Variants in PRKDC observed in about 807,000 individuals in gnomAD.
PRKDC encodes the protein protein kinase, DNA-activated, catalytic subunit, also known as DNA-dependent protein kinase catalytic subunit.
A neutral mutation model predicts 486.9 loss-of-function variants in PRKDC; 82 were observed. That is an observed-to-expected ratio of 0.17 (90% CI 0.14 to 0.20). The LOEUF is 0.20. Ranked by LOEUF, PRKDC falls within the 10% of genes least tolerant of loss-of-function variation. The pLI, the probability that PRKDC is intolerant of heterozygous loss-of-function variation, is 1.00. For missense variants in PRKDC, 4,504 were observed against 5,038.2 expected, an observed-to-expected ratio of 0.89 and a Z score of 3.21; for synonymous variants, 1,895 against 1,837.0, an observed-to-expected ratio of 1.03 and a Z score of -0.81.
At chr8:47,786,082 G>A (rs905884623) in intron 76 of PRKDC, among the ~76,000 whole-genome samples, 7 of 151,168 alleles carry the variant, frequency 4.6e-5, no homozygotes, top group Admixed American at 1.3e-4. Flanking sequence ...CTCCAGCCTG[G>A]GTGATAGAGT....
At chr8:47,914,162 A>G (rs1477015841) in intron 23 of PRKDC, 98 bp from the exon 24 acceptor site, 1 of 1,087,276 alleles carries the variant, frequency 9.2e-7, no homozygotes, top group African/African-American at 1.6e-5. Context: ...CAGCTGTTCT[A>G]CATTCTATTA....
intron 10 of PRKDC, among the ~76,000 whole-genome samples, chr8:47,941,076 C>T (rs2090436028): frequency 6.6e-6 from 1 of 151,414 alleles, no homozygotes; most frequent in South Asian, 2.1e-4. Context: ...GTTGCAGTAA[C>T]CCAAGCTTGC....
rs1563726737 is a variant in PRKDC at position 47,774,013 on chromosome 8, CT to C, written c.*159del. Reference sequence around the variant, plus strand: ...CTTTGATTTAACCCATACACATTTACTCATCATAATCTTGATTTAAACTCAT... The same window carrying C: ...CTTTGATTTAACCCATACACATTTACCATCATAATCTTGATTTAAACTCAT... On this transcript the variant is annotated 3_prime_UTR_variant, in exon 86 of 86. Coordinates refer to ENST00000314191, the MANE Select transcript of PRKDC (RefSeq NM_006904.7). The C allele has an allele frequency of 2.9e-6, 2 of 678,032 alleles. No homozygotes were observed. The highest frequency in any genetic ancestry group is 4.8e-6 in the Non-Finnish European group (2 of 414,790). The allele number at this position is 678,032 out of a possible 1,614,324, so 42.0% of individuals were successfully genotyped here. A position where few individuals can be genotyped will look rare whatever the true frequency, so the allele number is the denominator to read the frequency against.
chr8:47,957,304 G>A (rs1431321123), intron 2 of PRKDC, 41 bp from the exon 3 acceptor site: 6 of 1,579,104 alleles, frequency 3.8e-6, no homozygotes, highest in Non-Finnish European at 2.6e-6. Context: ...TGGGTAAGAG[G>A]AGTCACTCCA....
At chr8:47,839,296 C>A in intron 55 of PRKDC, 50 bp from the exon 56 acceptor site, 1 of 1,351,182 alleles carries the variant, frequency 7.4e-7, no homozygotes, top group East Asian at 2.3e-5. Flanking sequence ...CTCTTCTGGC[C>A]CTTTTGTTCA....
chr8:47,807,427 T>C, intron 68 of PRKDC, 101 bp from the exon 69 acceptor site: 2 of 757,826 alleles, frequency 2.6e-6, no homozygotes, highest in Admixed American at 3.4e-5. Context: ...ATGTTTGTTC[T>C]TTTTTTTTTG....
intron 11 of PRKDC, among the ~76,000 whole-genome samples, chr8:47,938,853 G>C (rs1352772122): frequency 6.6e-6 from 1 of 152,148 alleles, no homozygotes; most frequent in Admixed American, 6.5e-5. Context: ...TACAGGTGTG[G>C]GCCGCCACAC....
At chr8:47,826,545 G>C (rs1482241133) in intron 63 of PRKDC, 111 bp downstream of exon 63, 1 of 1,080,190 alleles carries the variant, frequency 9.3e-7, no homozygotes, top group East Asian at 2.6e-5. Flanking sequence ...TTTCACATTA[G>C]TGTTACTATC....
chr8:47,774,862 T>C (rs2086576749), intron 85 of PRKDC, among the ~76,000 whole-genome samples: 1 of 152,046 alleles, frequency 6.6e-6, no homozygotes. Context: ...TCCCGGGCTC[T>C]AGTTATCCTC....
intron 30 of PRKDC, among the ~76,000 whole-genome samples, chr8:47,896,737 G>C (rs553908940): frequency 6.6e-6 from 1 of 152,182 alleles, no homozygotes; most frequent in Non-Finnish European, 1.5e-5. Flanking sequence ...ATGGCACAGG[G>C]CTGTGACAGC....
rs754742651 is a variant in PRKDC at position 47,817,521 on chromosome 8, G to A, written c.9486C>T (p.Asn3162=). 6.2e-7 allele frequency: 1 copy of A among 1,606,534 alleles called. No homozygotes were observed. Among genetic ancestry groups the A allele is most frequent in the South Asian group, 1.1e-5 (1 of 89,410 alleles). ...CATCTGGATATCTGTTTGTCCAGGT[G>A]TTCAGAAGTCTCTTAAGGGGAACTT... ...SSQVPLKRLL[N]TWTNRYPDAK... The change falls in exon 68 of 86, where the codon AAC becomes AAT. Residue 3162 remains asparagine, a synonymous_variant. Coordinates refer to ENST00000314191, the MANE Select transcript of PRKDC (RefSeq NM_006904.7).
chr8:47,941,743 C>T (rs573695280), intron 10 of PRKDC, among the ~76,000 whole-genome samples: 57 of 152,378 alleles, frequency 3.7e-4, no homozygotes, highest in African/African-American at 1.3e-3. Flanking sequence ...CAGGCATCAG[C>T]CCTGAGGGCA....
chr8:47,887,846 A>G (rs1398239026), intron 34 of PRKDC, 141 bp from the exon 35 acceptor site: 8 of 966,416 alleles, frequency 8.3e-6, no homozygotes, highest in Non-Finnish European at 5.9e-6. Flanking sequence ...TTTTAATTCA[A>G]CTTTGCTTTT....
At chr8:47,818,578 C>CAA (rs1174698261) in intron 67 of PRKDC, among the ~76,000 whole-genome samples, 904 of 35,066 alleles carry the variant, frequency 0.026, 2 homozygotes, top group Middle Eastern at 0.043. Flanking sequence ...GACTCCGTCT[C>CAA]AAAAAAAAAA....
chr8:47,831,354 C>G (rs1563756804), intron 60 of PRKDC, among the ~76,000 whole-genome samples: 1 of 152,208 alleles, frequency 6.6e-6, no homozygotes, highest in African/African-American at 2.4e-5. Context: ...CCGTCCTACC[C>G]CCTTCTTACA....
intron 73 of PRKDC, among the ~76,000 whole-genome samples, chr8:47,795,272 C>A (rs1457911814): frequency 5.3e-5 from 8 of 150,152 alleles, no homozygotes; most frequent in Non-Finnish European, 8.9e-5. Context: ...TCACTGCAAG[C>A]TCCGCCTCCC....
At chr8:47,934,901 TAAGAA>T (rs1357043810) in intron 14 of PRKDC, 103 bp downstream of exon 14, 3 of 785,328 alleles carry the variant, frequency 3.8e-6, no homozygotes, top group Non-Finnish European at 4.1e-6. Flanking sequence ...TGCTAATAAC[TAAGAA>T]AAGAACGGCC....
In PRKDC at chr8:47,917,254, CA is replaced by C. The variant is rs565376567; in HGVS notation, c.2526+1022del. Among the ~76,000 whole-genome samples, 788 of 147,256 alleles carry C rather than the reference CA, an allele frequency of 5.4e-3. 12 individuals are homozygous for C. Among genetic ancestry groups the C allele is most frequent in the African/African-American group, 0.019 (761 of 39,970 alleles). ...TGGGTGACAACATGAGATCCTGCCTCAAAAAAAAATTAAATCGATAAGAAAA... is the reference window on the plus strand; with the variant it reads ...TGGGTGACAACATGAGATCCTGCCTCAAAAAAAATTAAATCGATAAGAAAA... On this transcript the variant is annotated intron_variant, in intron 22 of 85. Transcript: ENST00000314191.
chr8:47,878,638 G>T (rs2089141048), intron 39 of PRKDC, among the ~76,000 whole-genome samples: 1 of 152,132 alleles, frequency 6.6e-6, no homozygotes, highest in South Asian at 2.1e-4. Flanking sequence ...CTCAGTTTCT[G>T]TTCTGCTTTC....
Sources: allele counts gnomAD v4.1 joint callset (sites outside exome capture counted in the v4.1 genomes callset), GRCh38; gene constraint gnomAD v4.1.1; transcripts MANE v1.5; gene names NCBI Gene and HGNC (gene_info 2026-07-23, HGNC 2026-07-21).